The following ZBED4 variants were observed in gnomAD, a reference collection of about 807,000 sequenced individuals.
The protein encoded by ZBED4 is zinc finger BED-type containing 4.
Under a neutral mutation model 15.5 loss-of-function variants are expected in ZBED4, and 4 were observed. The ratio of observed to expected loss-of-function variants is 0.26; its 90% CI spans 0.13 to 0.59. The LOEUF is 0.59. Among genes scored for constraint, ZBED4 ranks in the 20% least tolerant of loss-of-function variants. The probability of loss-of-function intolerance (pLI) is 0.90; values close to 1 mark genes in which losing one functional copy is unlikely to be tolerated. For synonymous variants in ZBED4, 692 were observed against 608.5 expected (o/e 1.14, Z -2.02); for missense variants, 1,323 against 1,461.8 (o/e 0.91, Z 1.55).
At chr22:49,863,793 A>T (rs1355328465) in intron 1 of ZBED4, among the ~76,000 whole-genome samples, 3 of 152,246 alleles carry the variant, frequency 2.0e-5, no homozygotes, top group African/African-American at 7.2e-5. Context: ...AGTTTTCACA[A>T]TGATGAATCA....
intron 1 of ZBED4, among the ~76,000 whole-genome samples, chr22:49,877,718 G>C (rs1196586816): frequency 6.6e-6 from 1 of 152,042 alleles, no homozygotes; most frequent in East Asian, 1.9e-4. Context: ...ATTTGCATAT[G>C]AATCTTCATA....
At position 49,881,873 on chromosome 22, in the gene ZBED4, T is replaced by C. The variant is rs540325376; in HGVS notation, c.-329-1461T>C. Among the ~76,000 whole-genome samples, 4 of 152,322 alleles carry C rather than the reference T, an allele frequency of 2.6e-5. No individual in the cohort carries two copies. In the East Asian group the frequency reaches 7.7e-4, roughly 29 times the overall value. ...TTTTCTTTTTTATCTGGCTGTACTTTGTAGAACTTATTGGGAATGCTTTTC... is the reference window on the plus strand; with the variant it reads ...TTTTCTTTTTTATCTGGCTGTACTTCGTAGAACTTATTGGGAATGCTTTTC... On this transcript the variant is annotated intron_variant, in intron 1 of 1. Coordinates refer to ENST00000216268, the MANE Select transcript of ZBED4 (RefSeq NM_014838.3).
chr22:49,877,084 T>C (rs1464710573), intron 1 of ZBED4, among the ~76,000 whole-genome samples: 2 of 152,182 alleles, frequency 1.3e-5, no homozygotes, highest in African/African-American at 4.8e-5. Context: ...AGAGTGTGTT[T>C]ATGTAAAAGT....
chr22:49,862,502 T>C (rs2060301706), intron 1 of ZBED4, among the ~76,000 whole-genome samples: 1 of 152,074 alleles, frequency 6.6e-6, no homozygotes, highest in Non-Finnish European at 1.5e-5. Context: ...TAATGAGTCA[T>C]ATGATAAGAT....
At chr22:49,858,875 A>AGC (rs1198755499) in intron 1 of ZBED4, among the ~76,000 whole-genome samples, 1 of 152,036 alleles carries the variant, frequency 6.6e-6, no homozygotes, top group African/African-American at 2.4e-5. Flanking sequence ...GTGCCCCCGG[A>AGC]GCACCCCCTG....
Position 49,884,286 on chromosome 22 carries a change from T to C in ZBED4, c.624T>C (p.Leu208=). 1.2e-6 allele frequency: 2 copies of C among 1,612,712 alleles called. No homozygotes were observed. The highest frequency in any genetic ancestry group is 1.7e-6 in the Non-Finnish European group (2 of 1,179,266). Residue 208 remains leucine (L), a synonymous_variant, in exon 2 of 2, where the codon CTT becomes CTC. Coordinates refer to ENST00000216268, the MANE Select transcript of ZBED4 (RefSeq NM_014838.3). ...GCACCATCCTCTCACCCATCAAACT[T>C]GTCCAGAAAGTGGCGTCTAAGATCC... ...DLSTILSPIK[L]VQKVASKIPS... is the part of the protein sequence containing the mutation.
At chr22:49,860,022 G>A (rs976675010) in intron 1 of ZBED4, among the ~76,000 whole-genome samples, 1 of 131,514 alleles carries the variant, frequency 7.6e-6, no homozygotes, top group Admixed American at 7.6e-5. Flanking sequence ...AATCAGCCGG[G>A]CATGATGGTA....
chr22:49,863,644 T>C (rs1601785088), intron 1 of ZBED4, among the ~76,000 whole-genome samples: 2 of 147,518 alleles, frequency 1.4e-5, no homozygotes, highest in South Asian at 4.4e-4. Context: ...AAAAAAAAAG[T>C]GTGATGTTCT....
Position 49,883,582 on chromosome 22 carries a change from A to T in ZBED4, c.-81A>T. On this transcript the variant is annotated 5_prime_UTR_variant, in exon 2 of 2. Coordinates refer to ENST00000216268, the MANE Select transcript of ZBED4 (RefSeq NM_014838.3). ...GAATTATGACGAAAAAGTGAAGATA[A>T]TCTACATTCGGGGGCACAAATGAGC... The T allele has an allele frequency of 7.0e-7, 1 of 1,435,344 alleles. No homozygotes were observed. The highest frequency in any genetic ancestry group is 1.7e-5 in the South Asian group (1 of 58,868). The allele number at this position is 1,435,344 out of a possible 1,614,324, so 88.9% of individuals were successfully genotyped here. A position where few individuals can be genotyped will look rare whatever the true frequency, so the allele number is the denominator to read the frequency against.
chr22:49,857,281 C>T (rs541545650), intron 1 of ZBED4, among the ~76,000 whole-genome samples: 1 of 152,366 alleles, frequency 6.6e-6, no homozygotes, highest in Non-Finnish European at 1.5e-5. Flanking sequence ...GATGTCAGGC[C>T]TGTCACTAGT....
At chr22:49,860,229 G>A (rs1427462695) in intron 1 of ZBED4, among the ~76,000 whole-genome samples, 2 of 152,244 alleles carry the variant, frequency 1.3e-5, no homozygotes, top group Non-Finnish European at 2.9e-5. Flanking sequence ...AGCCTGGGAG[G>A]TTGAGGCTGT....
rs1022701961 is a variant in ZBED4, at chr22:49,866,812, C to T, written c.-330+12823C>T. Among the ~76,000 whole-genome samples, 25 of 152,164 alleles carry T rather than the reference C, an allele frequency of 1.6e-4. 1 individual carries two copies. Among genetic ancestry groups the T allele is most frequent in the Admixed American group, 2.6e-4 (4 of 15,282 alleles). On this transcript the variant is annotated intron_variant, in intron 1 of 1. Transcript: ENST00000216268. ...CACAAACCGAGTGGCTTCACACAAA[C>T]GGAAATTAGGAATCTGAAATCTGAG...
intron 1 of ZBED4, among the ~76,000 whole-genome samples, chr22:49,874,377 G>A (rs1214417634): frequency 4.6e-5 from 7 of 151,290 alleles, no homozygotes; most frequent in African/African-American, 1.5e-4. Context: ...TTTTGCTAAT[G>A]TATTGTTTTA....
rs2060281719 is a variant in ZBED4, at chr22:49,858,022, A to ACC, written c.-330+4033_-330+4034insCC. 2.0e-5 allele frequency among the ~76,000 whole-genome samples: 3 copies of ACC among 152,086 alleles called. No homozygotes were observed. The South Asian group carries it at 6.2e-4, about 32-fold the overall frequency. On this transcript the variant is annotated intron_variant, in intron 1 of 1. Coordinates refer to ENST00000216268, the MANE Select transcript of ZBED4 (RefSeq NM_014838.3). ...CGTGATCCGTCCACCTTGGCCTCCC[A>ACC]AAGTGCCAGGACAGGACTACAGGCG...
intron 1 of ZBED4, among the ~76,000 whole-genome samples, chr22:49,876,250 C>T (rs1033934295): frequency 6.6e-6 from 1 of 152,010 alleles, no homozygotes; most frequent in Admixed American, 6.6e-5. Flanking sequence ...AATGTGTATT[C>T]CGTTGTTGTT....
chr22:49,854,043 G>A (rs1292294524), intron 1 of ZBED4, 54 bp downstream of exon 1: 1 of 142,916 alleles, frequency 7.0e-6, no homozygotes, highest in Non-Finnish European at 1.5e-5. Context: ...CGTCCCCCGC[G>A]GACCGCGCCG....
chr22:49,878,330 A>G (rs545523137), intron 1 of ZBED4, among the ~76,000 whole-genome samples: 107 of 150,590 alleles, frequency 7.1e-4, no homozygotes, highest in South Asian at 2.7e-3. Flanking sequence ...GTCTTCATAC[A>G]GAGATAGGCT....
In ZBED4 at chr22:49,853,912, C is replaced by A. The variant is rs930500779; in HGVS notation, c.-407C>A. The stretch of plus-strand genomic sequence containing the variant: ...GGAGGGGCGCGGGGGCAGACAAAGC[C>A]GCGGTAATGAATGGAGCGTCCGCCC... On this transcript the variant is annotated 5_prime_UTR_variant, in exon 1 of 2. Coordinates refer to ENST00000216268, the MANE Select transcript of ZBED4 (RefSeq NM_014838.3). 1 of 144,174 alleles carries A rather than the reference C, an allele frequency of 6.9e-6. No homozygotes were observed. Among genetic ancestry groups the A allele is most frequent in the African/African-American group, 2.5e-5 (1 of 40,206 alleles). 8.9% of individuals were successfully genotyped at this position (144,174 alleles called of 1,614,324 possible). A position where few individuals can be genotyped will look rare whatever the true frequency, so the allele number is the denominator to read the frequency against.
At chr22:49,866,698 A>T (rs1163607245) in intron 1 of ZBED4, among the ~76,000 whole-genome samples, 1 of 152,048 alleles carries the variant, frequency 6.6e-6, no homozygotes. Context: ...TCTGCTCTTT[A>T]GTTTTTCTCA....
Sources: allele counts gnomAD v4.1 joint callset (sites outside exome capture counted in the v4.1 genomes callset), GRCh38; gene constraint gnomAD v4.1.1; transcripts MANE v1.5; gene names NCBI Gene and HGNC (gene_info 2026-07-23, HGNC 2026-07-21).